PTGIR: variants seen among roughly 807,000 people sequenced by gnomAD.
The protein encoded by PTGIR is prostaglandin I2 receptor.
In PTGIR, 16 loss-of-function variants were observed where a neutral mutation model predicts 17.6. The ratio of observed to expected loss-of-function variants is 0.91; its 90% CI spans 0.61 to 1.38. The LOEUF is 1.38. Among genes scored for constraint, PTGIR ranks in the 40% most tolerant of loss-of-function variants. The probability of loss-of-function intolerance (pLI) is 0.00; values close to 1 mark genes in which losing one functional copy is unlikely to be tolerated. For missense variants in PTGIR, 532 were observed against 548.6 expected (o/e 0.97, Z 0.30); for synonymous variants, 274 against 255.4 (o/e 1.07, Z -0.69).
downstream of PTGIR, among the ~76,000 whole-genome samples, chr19:46,615,665 C>A (rs1158673922): frequency 6.6e-6 from 1 of 151,962 alleles, no homozygotes; most frequent in Non-Finnish European, 1.5e-5. Flanking sequence ...ACCACCACGC[C>A]CGGCTAATTT....
rs1399885816 is a variant in PTGIR at position 46,623,725 on chromosome 19, G to A, written c.501C>T (p.Gly167=). 6.3e-7 allele frequency: 1 copy of A among 1,588,654 alleles called. No individual in the cohort carries two copies. Among genetic ancestry groups the A allele is most frequent in the Admixed American group, 1.7e-5 (1 of 57,768 alleles). The change falls in exon 2 of 3, where the codon GGC becomes GGT. Residue 167 remains glycine (G), a synonymous_variant. Coordinates refer to ENST00000291294, the MANE Select transcript of PTGIR (RefSeq NM_000960.4). ...AGCGCATGCGGAGGAAGCACCAGCT[G>A]CCGGGGCAGTACTGCTGGTGTTGGC... The part of the protein sequence containing the change: ...GLGQHQQYCP[G]SWCFLRMRWA...
At position 46,621,096 on chromosome 19, in the gene PTGIR, C is replaced by G; in HGVS notation, c.*184G>C. 1 of 1,282,844 alleles carries G rather than the reference C, an allele frequency of 7.8e-7. No individual in the cohort carries two copies. The highest frequency in any genetic ancestry group is 9.8e-7 in the Non-Finnish European group (1 of 1,015,934). The allele number at this position is 1,282,844 out of a possible 1,614,324, so 79.5% of individuals were successfully genotyped here. A position where few individuals can be genotyped will look rare whatever the true frequency, so the allele number is the denominator to read the frequency against. ...TTTCTGCACTCCAGGATAAACGTTT[C>G]CTCTGTCCCTCACTCTCTTCCCAGA... is the stretch of plus-strand genomic sequence containing the variant. On this transcript the variant is annotated 3_prime_UTR_variant, in exon 3 of 3. Transcript: ENST00000291294. This position sits in a 1 kb window ranked among gnomAD's most constrained non-coding sequence, Gnocchi z 4.8.
In PTGIR at chr19:46,624,078, C is replaced by A. The variant is rs1211797375; in HGVS notation, c.148G>T (p.Ala50Ser). 6.5e-7 allele frequency: 1 copy of A among 1,542,084 alleles called. No homozygotes were observed. The highest frequency in any genetic ancestry group is 8.7e-7 in the Non-Finnish European group (1 of 1,148,326). ...ARRPARPSAFAVLVTGLAATD... is the reference protein window; with the variant it reads ...ARRPARPSAFSVLVTGLAATD... ...GCCGCCAGTCCGGTCACCAGCACCG[C>A]GAAGGCCGAGGGGCGCGCCGGTCGC... The change falls in exon 2 of 3, where the codon GCG becomes TCG. Residue 50 changes from alanine (A) to serine (S), a missense_variant. By Grantham distance (99) the Ala-to-Ser change is moderately conservative. Coordinates refer to ENST00000291294, the MANE Select transcript of PTGIR (RefSeq NM_000960.4).
chr19:46,613,137 A>AG, the PTGIR span, among the ~76,000 whole-genome samples: 3 of 135,514 alleles, frequency 2.2e-5, no homozygotes, highest in Non-Finnish European at 4.6e-5. Flanking sequence ...TCTGCCTCCC[A>AG]GGTTCAAGTG....
At chr19:46,612,389 G>A in the PTGIR span, among the ~76,000 whole-genome samples, 11 of 152,214 alleles carry the variant, frequency 7.2e-5, no homozygotes, top group African/African-American at 1.2e-4. Context: ...AGCACCTGCC[G>A]CCACTGGCTG....
At chr19:46,619,582 AG>A (rs1343653413), downstream of PTGIR, among the ~76,000 whole-genome samples, 1,044 of 105,002 alleles carry the variant, frequency 9.9e-3, 18 homozygotes, top group Non-Finnish European at 0.015. Flanking sequence ...AGAGAGAGAG[AG>A]AAAGAAAGAA....
At position 46,624,118 on chromosome 19, in the gene PTGIR, G is replaced by A. The variant is rs138410656; in HGVS notation, c.108C>T (p.Gly36=). 1.4e-4 allele frequency: 214 copies of A among 1,539,098 alleles called. No homozygotes were observed. In the Middle Eastern group the frequency reaches 1.6e-3, roughly 12 times the overall value. ...GCGCCGGTCGCCGTGCGCTCAGGATGCCCAGGGCCAGCCCGTTGCCCACCA... is the reference window on the plus strand; with the variant it reads ...GCGCCGGTCGCCGTGCGCTCAGGATACCCAGGGCCAGCCCGTTGCCCACCA... ...AGVVGNGLAL[G]ILSARRPARP... is the part of the protein sequence containing the mutation. The change falls in exon 2 of 3, where the codon GGC becomes GGT. Residue 36 remains glycine, a synonymous_variant. Transcript: ENST00000291294.
downstream of PTGIR, among the ~76,000 whole-genome samples, chr19:46,617,226 C>A (rs990844096): frequency 6.6e-6 from 1 of 152,172 alleles, no homozygotes; most frequent in Non-Finnish European, 1.5e-5. Context: ...GCCCTGGGAG[C>A]TTTCCAAGGC....
downstream of PTGIR, among the ~76,000 whole-genome samples, chr19:46,619,581 GA>G (rs1972020132): frequency 1.1e-5 from 1 of 86,982 alleles, no homozygotes; most frequent in South Asian, 4.2e-4. Context: ...GAGAGAGAGA[GA>G]GAAAGAAAGA....
chr19:46,624,217 A>G lies in PTGIR; in HGVS notation c.9T>C (p.Asp3=), dbSNP rs1329771190. 62 of 1,446,082 alleles carry G rather than the reference A, an allele frequency of 4.3e-5. No homozygotes were observed. Among genetic ancestry groups the G allele is most frequent in the Non-Finnish European group, 5.2e-5 (57 of 1,105,244 alleles). The allele number at this position is 1,446,082 out of a possible 1,614,324, so 89.6% of individuals were successfully genotyped here. Residue 3 remains aspartate (D), a synonymous_variant, in exon 2 of 3, where the codon GAT becomes GAC. Transcript: ENST00000291294. ...GCACGTAGGTGAGGTTCCTGCACGA[A>G]TCCGCCATCCCAGGTCTGGGCTGGA... MA[D]SCRNLTYVRG...
chr19:46,611,359 G>T, the PTGIR span, among the ~76,000 whole-genome samples: 1 of 151,886 alleles, frequency 6.6e-6, no homozygotes, highest in Non-Finnish European at 1.5e-5. Context: ...ATGCTTTGGG[G>T]AGAGGGGTGG....
At position 46,621,389 on chromosome 19, in the gene PTGIR, G is replaced by T. The variant is rs1455410608; in HGVS notation, c.1052C>A (p.Ala351Asp). The stretch of plus-strand genomic sequence containing the variant: ...GGGCTCCACCTGCCCCTCGCCCCAA[G>T]CCGACAAAGGCACGCAGCTCCCCTC... ...GKEGSCVPLS[A>D]WGEGQVEPLP... The change falls in exon 3 of 3, where the codon GCT (alanine) becomes GAT (aspartate). Residue 351 changes from alanine (A) to aspartate (D), a missense_variant. By Grantham distance (126) the Ala-to-Asp change is moderately radical (BLOSUM62 -2). Transcript: ENST00000291294. This position sits in a 1 kb window ranked among gnomAD's most constrained non-coding sequence, Gnocchi z 4.8. 6.3e-7 allele frequency: 1 copy of T among 1,592,812 alleles called. No homozygotes were observed. The highest frequency in any genetic ancestry group is 2.2e-5 in the East Asian group (1 of 44,564).
At chr19:46,614,166 G>A in the PTGIR span, among the ~76,000 whole-genome samples, 1 of 152,152 alleles carries the variant, frequency 6.6e-6, no homozygotes, top group Non-Finnish European at 1.5e-5. Context: ...CCTGTCCTGA[G>A]AAAGTGACTA....
rs757309727 is a variant in PTGIR at position 46,624,043 on chromosome 19, C to T, written c.183G>A (p.Leu61=). The change falls in exon 2 of 3, where the codon CTG becomes CTA. Residue 61 remains leucine (L), a synonymous_variant. Transcript: ENST00000291294. ...CCGGGCTCAGGAAGCTGGTGCCCAG[C>T]AGGTCGGTGGCCGCCAGTCCGGTCA... ...VLVTGLAATD[L]LGTSFLSPAV... 3.3e-6 allele frequency: 5 copies of T among 1,537,834 alleles called. No homozygotes were observed. The South Asian group carries it at 4.8e-5, about 15-fold the overall frequency.
chr19:46,616,326 C>CTTTTTTTTTTTTTTTT (rs1021116711), downstream of PTGIR, among the ~76,000 whole-genome samples: 35 of 66,546 alleles, frequency 5.3e-4, 2 homozygotes, highest in African/African-American at 1.1e-3. Context: ...GACAGAAATG[C>CTTTTTTTTTTTTTTTT]TTTTTTTTTT....
chr19:46,618,619 T>A (rs1006810955), downstream of PTGIR, among the ~76,000 whole-genome samples: 6 of 152,008 alleles, frequency 3.9e-5, no homozygotes, highest in South Asian at 2.1e-4. Flanking sequence ...ATTTTTTAAA[T>A]TTTTTTTTAA....
chr19:46,619,757 T>A (rs573212435), downstream of PTGIR, among the ~76,000 whole-genome samples: 18 of 152,304 alleles, frequency 1.2e-4, no homozygotes, highest in African/African-American at 4.3e-4. Context: ...GTTGTCCTCA[T>A]GGGAGGCTCA....
chr19:46,613,978 A>G, the PTGIR span, among the ~76,000 whole-genome samples: 2 of 152,172 alleles, frequency 1.3e-5, no homozygotes, highest in South Asian at 4.1e-4. Context: ...CTACATTATT[A>G]AATAATCATG....
At chr19:46,623,212 G>C (rs2052750842) in intron 2 of PTGIR, 1 of 410,494 alleles carries the variant, frequency 2.4e-6, no homozygotes. Context: ...GGCCAGACTG[G>C]TCTCGAACTC....
Sources: gnomAD v4.1 joint callset for allele counts (sites outside exome capture counted in the v4.1 genomes callset) on GRCh38, gnomAD v4.1.1 for gene constraint, Gnocchi (gnomAD v3.1) non-coding constraint, MANE v1.5 for transcripts, NCBI Gene and HGNC (gene_info 2026-07-23, HGNC 2026-07-21) for gene names.